MEI1: variants seen among roughly 807,000 people sequenced by gnomAD.
The protein encoded by MEI1 is meiotic double-stranded break formation protein 1, also known as meiosis inhibitor protein 1.
Under a neutral mutation model 146.2 loss-of-function variants are expected in MEI1, and 103 were observed. That is an observed-to-expected ratio of 0.70 (90% CI 0.60 to 0.83). The LOEUF (loss-of-function observed/expected upper bound fraction) is 0.83. Ranked by LOEUF, MEI1 falls within the 40% of genes least tolerant of loss-of-function variation. The pLI is 0.00. For synonymous variants in MEI1, 652 were observed against 628.2 expected (o/e 1.04, Z -0.57); for missense variants, 1,529 against 1,533.0 (o/e 1.00, Z 0.04).
chr22:41,703,552 T>C, intron 2 of MEI1, 98 bp downstream of exon 2: 1 of 1,145,536 alleles, frequency 8.7e-7, no homozygotes, highest in Non-Finnish European at 1.2e-6. Context: ...GATTTAGGTT[T>C]TTTGTATTGT....
At chr22:41,767,018 G>A (rs2074900045) in intron 19 of MEI1, among the ~76,000 whole-genome samples, 1 of 152,166 alleles carries the variant, frequency 6.6e-6, no homozygotes, top group Non-Finnish European at 1.5e-5. Flanking sequence ...GGCTAAAGAG[G>A]TGTGGGTAGA....
intron 7 of MEI1, among the ~76,000 whole-genome samples, chr22:41,727,507 T>C (rs955415343): frequency 6.6e-6 from 1 of 152,146 alleles, no homozygotes; most frequent in Non-Finnish European, 1.5e-5. Flanking sequence ...CAGTTGTGGG[T>C]AGACTCCTAG....
chr22:41,737,522 A>G (rs2072481757), intron 11 of MEI1, among the ~76,000 whole-genome samples: 1 of 151,650 alleles, frequency 6.6e-6, no homozygotes, highest in Non-Finnish European at 1.5e-5. Context: ...TACAGGCGTG[A>G]GCCACCGCGC....
chr22:41,714,383 T>G (rs1349693630), intron 4 of MEI1, among the ~76,000 whole-genome samples: 4 of 152,178 alleles, frequency 2.6e-5, no homozygotes, highest in African/African-American at 9.7e-5. Flanking sequence ...CAGATTTCCT[T>G]GATGAAGTTG....
Position 41,714,040 on chromosome 22 carries a change from A to G in MEI1, c.388A>G (p.Thr130Ala). 1 of 1,600,684 alleles carries G rather than the reference A, an allele frequency of 6.2e-7. No homozygotes were observed. The highest frequency in any genetic ancestry group is 8.5e-7 in the Non-Finnish European group (1 of 1,173,582). ...QITTQLKLEQ[T>A]IRCLLDECHK... ...CACAACGCAGCTGAAGCTGGAGCAGACTATCCGTTGCCTGCTGGATGAGTG... is the reference window on the plus strand; with the variant it reads ...CACAACGCAGCTGAAGCTGGAGCAGGCTATCCGTTGCCTGCTGGATGAGTG... Residue 130 changes from threonine to alanine, a missense_variant, in exon 4 of 31, where the codon ACT becomes GCT. Transcript: ENST00000401548.
chr22:41,742,416 C>A (rs551356861), intron 11 of MEI1, among the ~76,000 whole-genome samples: 2 of 152,336 alleles, frequency 1.3e-5, no homozygotes, highest in South Asian at 4.1e-4. Flanking sequence ...CTTTTACCAG[C>A]AGGCTCTCCT....
chr22:41,718,979 C>CTTTTTT (rs146120400), intron 6 of MEI1, among the ~76,000 whole-genome samples: 7 of 111,226 alleles, frequency 6.3e-5, no homozygotes, highest in African/African-American at 8.5e-5. Context: ...TCAAGTGATT[C>CTTTTTT]TTTTTTTTTT....
Position 41,795,678 on chromosome 22 carries a change from G to GA in MEI1, c.3667-57_3667-56insA. ...AGTACAGAGGATGGAGGCAGTTAGG[G>GA]CCTGTGTGGAATGGGCACTGAGGAG... On this transcript the variant is annotated intron_variant, in intron 29 of 30. Transcript: ENST00000401548. The surrounding 1 kb of genome is among the most constrained non-coding windows in gnomAD (Gnocchi z 4.2). 6.3e-7 allele frequency: 1 copy of GA among 1,593,678 alleles called. No individual in the cohort carries two copies. Among genetic ancestry groups the GA allele is most frequent in the South Asian group, 1.1e-5 (1 of 89,080 alleles).
rs2075960082 is a variant in MEI1 at position 41,785,903 on chromosome 22, A to ATTTAT, written c.3345+1123_3345+1124insATTTT. Among the ~76,000 whole-genome samples the ATTTAT allele has an allele frequency of 7.9e-5, 8 of 101,480 alleles. 2 individuals carry two copies. Among genetic ancestry groups the ATTTAT allele is most frequent in the Admixed American group, 7.2e-4 (5 of 6,948 alleles). The allele number at this position is 101,480 out of a possible 152,430, so 66.6% of individuals were successfully genotyped here. A position where few individuals can be genotyped will look rare whatever the true frequency, so the allele number is the denominator to read the frequency against. On this transcript the variant is annotated intron_variant, in intron 26 of 30. Coordinates refer to ENST00000401548, the MANE Select transcript of MEI1 (RefSeq NM_152513.4). ...TATTTTTTTATTTTTTTATTTTTTT[A>ATTTAT]TTTTTTATTTTATTTTTTTTTTTTT...
chr22:41,762,303 C>T (rs926469590), intron 18 of MEI1, among the ~76,000 whole-genome samples: 2 of 149,828 alleles, frequency 1.3e-5, no homozygotes, highest in South Asian at 4.4e-4. Flanking sequence ...TCTTTTCCCT[C>T]CCCTCCCTTC....
intron 8 of MEI1, 22 bp downstream of exon 8, chr22:41,729,801 TCTC>T (rs2071696565): frequency 5.3e-6 from 8 of 1,511,898 alleles, no homozygotes; most frequent in Admixed American, 1.9e-5. Context: ...CTTCTAACCT[TCTC>T]CTCCCTATAC....
chr22:41,714,122 G>A (rs1490659305), intron 4 of MEI1, 47 bp downstream of exon 4: 1 of 1,520,332 alleles, frequency 6.6e-7, no homozygotes, highest in South Asian at 1.2e-5. Context: ...ATCCTCAGAT[G>A]TCAGAGCTGG....
intron 19 of MEI1, among the ~76,000 whole-genome samples, chr22:41,765,883 CTTTTTT>C (rs1013045266): frequency 3.5e-4 from 30 of 86,134 alleles, no homozygotes; most frequent in Non-Finnish European, 5.6e-4. Context: ...CCAAAATGTT[CTTTTTT>C]TTTTTTTTTT....
intron 3 of MEI1, chr22:41,709,303 G>A: frequency 1.2e-6 from 1 of 811,244 alleles, no homozygotes; most frequent in South Asian, 1.3e-5. Flanking sequence ...TCCCTTCCTT[G>A]CCAGCATCCA....
chr22:41,790,361 A>G lies in MEI1; in HGVS notation c.3346-3468A>G, dbSNP rs190040509. 3.0e-3 allele frequency among the ~76,000 whole-genome samples: 458 copies of G among 152,308 alleles called. 3 individuals are homozygous for G. The highest frequency in any genetic ancestry group is 0.01 in the African/African-American group (432 of 41,558). On this transcript the variant is annotated intron_variant, in intron 26 of 30. Transcript: ENST00000401548. ...TGGCATCCCAAAGTTCTGGGATTAC[A>G]GGTGTGAGCCACCGCACCCGGTCTT...
At position 41,784,408 on chromosome 22, in the gene MEI1, G is replaced by A. The variant is rs1307202422; in HGVS notation, c.3157G>A (p.Ala1053Thr). 6 of 1,613,828 alleles carry A rather than the reference G, an allele frequency of 3.7e-6. No homozygotes were observed. Among genetic ancestry groups the A allele is most frequent in the Non-Finnish European group, 5.1e-6 (6 of 1,179,884 alleles). ...TCTCAGCTTTCCAAAGAAAAAGGCT[G>A]CACTACTCTCAGGTATGGGTCCACA... The part of the protein sequence containing the change: ...KALSFPKKKA[A>T]LLSAAILCFL... Residue 1053 changes from alanine (A) to threonine (T), a missense_variant, in exon 25 of 31, where the codon GCA becomes ACA. Ala to Thr is a moderately conservative substitution (Grantham distance 58). Transcript: ENST00000401548.
chr22:41,794,400 C>G lies in MEI1; in HGVS notation c.3457C>G (p.Arg1153Gly). 1 of 1,613,980 alleles carries G rather than the reference C, an allele frequency of 6.2e-7. No individual in the cohort carries two copies. Among genetic ancestry groups the G allele is most frequent in the Non-Finnish European group, 8.5e-7 (1 of 1,179,860 alleles). ...ALHVASQPWN[R>G]FLLFTLLDAG... The stretch of plus-strand genomic sequence containing the variant: ...CCACGTGGCCTCCCAGCCTTGGAAT[C>G]GGTTTTTGCTGTTTACCCTCTTGGA... Residue 1153 changes from arginine to glycine, a missense_variant, in exon 28 of 31, where the codon CGG becomes GGG. Transcript: ENST00000401548.
intron 3 of MEI1, among the ~76,000 whole-genome samples, chr22:41,712,404 T>G (rs2069665953): frequency 1.3e-5 from 2 of 150,708 alleles, no homozygotes; most frequent in African/African-American, 2.4e-5. Context: ...CCGGCTAATT[T>G]TTTTGTATTT....
chr22:41,715,375 TATA>T (rs1453661083), intron 4 of MEI1, among the ~76,000 whole-genome samples: 3 of 152,008 alleles, frequency 2.0e-5, no homozygotes, highest in African/African-American at 7.2e-5. Flanking sequence ...TAATAGGAGC[TATA>T]ATAACTATGA....
Sources: gnomAD v4.1 joint callset for allele counts (sites outside exome capture counted in the v4.1 genomes callset) on GRCh38, gnomAD v4.1.1 for gene constraint, Gnocchi (gnomAD v3.1) non-coding constraint, MANE v1.5 for transcripts, NCBI Gene and HGNC (gene_info 2026-07-23, HGNC 2026-07-21) for gene names.